VRTN: variants seen among roughly 807,000 people sequenced by gnomAD.
The protein encoded by VRTN is vertnin.
A neutral mutation model predicts 18.2 loss-of-function variants in VRTN; 5 were observed. The observed-to-expected ratio is 0.27, with a 90% CI of 0.14 to 0.58. The LOEUF (loss-of-function observed/expected upper bound fraction) is 0.58. Among genes scored for constraint, VRTN ranks in the 20% least tolerant of loss-of-function variants. VRTN has a pLI of 0.91. For missense variants in VRTN, 741 were observed against 939.4 expected (o/e 0.79, Z 2.76); for synonymous variants, 381 against 393.7 (o/e 0.97, Z 0.38).
intron 2 of VRTN, among the ~76,000 whole-genome samples, chr14:74,343,355 G>A (rs1192846082): frequency 1.3e-5 from 2 of 152,116 alleles, no homozygotes; most frequent in Non-Finnish European, 2.9e-5. Flanking sequence ...TCAAACTCCT[G>A]ACCTTGGTGA....
intron 2 of VRTN, among the ~76,000 whole-genome samples, chr14:74,340,260 G>GCC (rs2085594278): frequency 1.3e-5 from 2 of 152,120 alleles, no homozygotes; most frequent in South Asian, 2.1e-4. Flanking sequence ...TTATAGGCAT[G>GCC]TGCCACCACG....
chr14:74,348,961 G>A (rs1209077456), intron 1 of VRTN, among the ~76,000 whole-genome samples: 4 of 135,178 alleles, frequency 3.0e-5, no homozygotes, highest in Non-Finnish European at 6.3e-5. Context: ...CAGGTTCCCC[G>A]GGCTTCTCAG....
intron 1 of VRTN, among the ~76,000 whole-genome samples, chr14:74,326,547 C>T (rs943839596): frequency 9.2e-5 from 14 of 152,200 alleles, no homozygotes; most frequent in African/African-American, 3.4e-4. Flanking sequence ...GCCCCAAGTC[C>T]CTCATTCCCT....
intron 1 of VRTN, among the ~76,000 whole-genome samples, chr14:74,303,348 C>G (rs895615230): frequency 6.6e-6 from 1 of 152,178 alleles, no homozygotes; most frequent in East Asian, 1.9e-4. Flanking sequence ...CCCAGGAATT[C>G]AAGACCAGCC....
chr14:74,328,751 A>C (rs2085502967), intron 1 of VRTN, among the ~76,000 whole-genome samples: 1 of 152,236 alleles, frequency 6.6e-6, no homozygotes, highest in African/African-American at 2.4e-5. Flanking sequence ...TAATCCCAGC[A>C]CTTCAGGAGG....
At chr14:74,334,220 A>T (rs964602201) in intron 1 of VRTN, among the ~76,000 whole-genome samples, 3 of 152,226 alleles carry the variant, frequency 2.0e-5, no homozygotes, top group Non-Finnish European at 4.4e-5. Context: ...ATTAAATGAT[A>T]TAAGTTCATT....
At chr14:74,335,072 A>G (rs2085554791) in intron 1 of VRTN, among the ~76,000 whole-genome samples, 1 of 152,162 alleles carries the variant, frequency 6.6e-6, no homozygotes, top group African/African-American at 2.4e-5. Flanking sequence ...ACTTGAGGTC[A>G]GGAGTTTGAG....
At chr14:74,305,083 G>A (rs2085337964) in intron 1 of VRTN, among the ~76,000 whole-genome samples, 1 of 152,106 alleles carries the variant, frequency 6.6e-6, no homozygotes, top group African/African-American at 2.4e-5. Context: ...TGTAATCCCA[G>A]CGCTTTTGGA....
chr14:74,334,689 G>T (rs960428688), intron 1 of VRTN, among the ~76,000 whole-genome samples: 17 of 152,124 alleles, frequency 1.1e-4, no homozygotes, highest in African/African-American at 4.1e-4. Flanking sequence ...CTTTATAAAT[G>T]ATATGTATGC....
At chr14:74,306,342 AT>A (rs1491431605) in intron 1 of VRTN, among the ~76,000 whole-genome samples, 2 of 150,088 alleles carry the variant, frequency 1.3e-5, no homozygotes, top group African/African-American at 2.4e-5. Context: ...ATTAAAAAAA[AT>A]TTTTTTTGTA....
chr14:74,344,798 T>C (rs919736517), upstream of VRTN, among the ~76,000 whole-genome samples: 2 of 149,090 alleles, frequency 1.3e-5, no homozygotes, highest in African/African-American at 2.5e-5. Flanking sequence ...TTAAATTTCA[T>C]TGGACAGTAG....
intron 1 of VRTN, among the ~76,000 whole-genome samples, chr14:74,304,413 C>T (rs897320051): frequency 2.6e-5 from 4 of 152,180 alleles, no homozygotes; most frequent in Non-Finnish European, 4.4e-5. Flanking sequence ...ACCTTGGCCT[C>T]TCAAAATGCT....
chr14:74,305,231 C>G (rs1197868828), intron 1 of VRTN, among the ~76,000 whole-genome samples: 1 of 151,230 alleles, frequency 6.6e-6, no homozygotes, highest in Non-Finnish European at 1.5e-5. Context: ...ACTTGGGAGG[C>G]TGAGGCAGGA....
chr14:74,303,256 A>G (rs1314197498), intron 1 of VRTN: 2 of 262,602 alleles, frequency 7.6e-6, no homozygotes, highest in Admixed American at 1.1e-4. Context: ...AAAAAAGTAT[A>G]AATTAGGCTT....
intron 1 of VRTN, among the ~76,000 whole-genome samples, chr14:74,324,214 C>T (rs2085473250): frequency 6.6e-6 from 1 of 151,606 alleles, no homozygotes; most frequent in African/African-American, 2.4e-5. Flanking sequence ...TGGTGAAACC[C>T]CATCTCTACT....
intron 1 of VRTN, among the ~76,000 whole-genome samples, chr14:74,320,898 TAAAAAAAA>T (rs766559301): frequency 1.2e-5 from 1 of 83,590 alleles, no homozygotes; most frequent in African/African-American, 5.0e-5. Context: ...CCCATCTCTT[TAAAAAAAA>T]AAAAAAAAAA....
chr14:74,319,231 A>G (rs1304153538), intron 1 of VRTN, among the ~76,000 whole-genome samples: 6 of 151,752 alleles, frequency 4.0e-5, no homozygotes, highest in African/African-American at 1.5e-4. Context: ...ATGGGGTTTC[A>G]CTATGTTGGC....
chr14:74,340,756 AT>A (rs2085599624), intron 2 of VRTN, among the ~76,000 whole-genome samples: 1 of 152,146 alleles, frequency 6.6e-6, no homozygotes, highest in Admixed American at 6.5e-5. Flanking sequence ...ATTTATTTTT[AT>A]TTTTATTTTT....
At chr14:74,322,866 G>T (rs1424484229) in intron 1 of VRTN, among the ~76,000 whole-genome samples, 1 of 152,200 alleles carries the variant, frequency 6.6e-6, no homozygotes, top group Admixed American at 6.5e-5. Context: ...GGGCACGGTG[G>T]CTCACGCCTG....
Sources: gnomAD v4.1 joint callset for allele counts (sites outside exome capture counted in the v4.1 genomes callset) on GRCh38, gnomAD v4.1.1 for gene constraint, MANE v1.5 for transcripts, NCBI Gene and HGNC (gene_info 2026-07-23, HGNC 2026-07-21) for gene names.